CNTNAP5: variants seen among roughly 807,000 people sequenced by gnomAD.
CNTNAP5 encodes contactin associated protein family member 5.
In CNTNAP5, 72 loss-of-function variants were observed where a neutral mutation model predicts 150.2. The ratio of observed to expected loss-of-function variants is 0.48; its 90% CI spans 0.40 to 0.58. The LOEUF (loss-of-function observed/expected upper bound fraction) is 0.58. Ranked by LOEUF, CNTNAP5 falls within the 20% of genes least tolerant of loss-of-function variation. The pLI, the probability that CNTNAP5 is intolerant of heterozygous loss-of-function variation, is 0.00. For missense variants in CNTNAP5, 1,636 were observed against 1,626.2 expected, an observed-to-expected ratio of 1.01 and a Z score of -0.10; for synonymous variants, 672 against 619.8, an observed-to-expected ratio of 1.08 and a Z score of -1.25.
intron 13 of CNTNAP5, among the ~76,000 whole-genome samples, chr2:124,732,625 C>A (rs1680295429): frequency 6.6e-6 from 1 of 152,150 alleles, no homozygotes; most frequent in African/African-American, 2.4e-5. Flanking sequence ...ACATCAATTT[C>A]TGTTGTTTAT....
At chr2:124,278,875 T>C (rs1404809182) in intron 3 of CNTNAP5, among the ~76,000 whole-genome samples, 2 of 152,156 alleles carry the variant, frequency 1.3e-5, no homozygotes, top group East Asian at 1.9e-4. Flanking sequence ...ACATACCTTC[T>C]TAAAGAACAT....
intron 13 of CNTNAP5, among the ~76,000 whole-genome samples, chr2:124,689,167 C>G (rs1179417348): frequency 1.3e-5 from 2 of 152,120 alleles, no homozygotes; most frequent in African/African-American, 4.8e-5. Context: ...AATATTTACT[C>G]TTTCCTTGGG....
At chr2:124,356,004 T>A (rs146422850) in intron 3 of CNTNAP5, among the ~76,000 whole-genome samples, 2 of 152,160 alleles carry the variant, frequency 1.3e-5, no homozygotes, top group East Asian at 3.9e-4. Context: ...TCTGTGAGTG[T>A]TAAGAGTAGG....
intron 10 of CNTNAP5, among the ~76,000 whole-genome samples, chr2:124,558,766 G>C (rs773432854): frequency 1.4e-4 from 21 of 152,142 alleles, no homozygotes; most frequent in Non-Finnish European, 2.6e-4. Context: ...CTAAGTTACA[G>C]AGAAATAACC....
At chr2:124,528,108 T>C (rs2104891250) in intron 10 of CNTNAP5, among the ~76,000 whole-genome samples, 1 of 152,318 alleles carries the variant, frequency 6.6e-6, no homozygotes, top group Non-Finnish European at 1.5e-5. Flanking sequence ...TTCTTCTTCT[T>C]TCCTCTCCAG....
At chr2:124,493,569 T>A (rs1694079963) in intron 7 of CNTNAP5, among the ~76,000 whole-genome samples, 1 of 152,078 alleles carries the variant, frequency 6.6e-6, no homozygotes, top group Non-Finnish European at 1.5e-5. Flanking sequence ...CTCAATCTCC[T>A]GACCTCGTGA....
chr2:124,156,823 G>A (rs1684559625), intron 1 of CNTNAP5, among the ~76,000 whole-genome samples: 1 of 152,168 alleles, frequency 6.6e-6, no homozygotes, highest in Non-Finnish European at 1.5e-5. Flanking sequence ...CACAGAGCTG[G>A]TAGTTCGGGA....
intron 6 of CNTNAP5, among the ~76,000 whole-genome samples, chr2:124,465,180 A>C (rs1261391559): frequency 6.6e-6 from 1 of 152,168 alleles, no homozygotes; most frequent in Non-Finnish European, 1.5e-5. Flanking sequence ...TCAAAGAAAA[A>C]GAGAGTGGTA....
intron 3 of CNTNAP5, among the ~76,000 whole-genome samples, chr2:124,366,803 T>A (rs1690383722): frequency 6.6e-6 from 1 of 151,982 alleles, no homozygotes. Context: ...GAGGGCTGAG[T>A]CTTATCCCAG....
intron 17 of CNTNAP5, among the ~76,000 whole-genome samples, chr2:124,776,816 A>G (rs745937713): frequency 2.5e-4 from 38 of 152,248 alleles, no homozygotes; most frequent in Non-Finnish European, 1.2e-4. Context: ...AATAATTATC[A>G]TGACATCAAC....
intron 3 of CNTNAP5, among the ~76,000 whole-genome samples, chr2:124,324,879 G>C (rs537601999): frequency 6.6e-6 from 1 of 152,270 alleles, no homozygotes; most frequent in African/African-American, 2.4e-5. Context: ...TGAGTTTCAA[G>C]GCAATCTTGA....
chr2:124,376,605 G>A (rs1371820955), intron 3 of CNTNAP5, among the ~76,000 whole-genome samples: 1 of 151,944 alleles, frequency 6.6e-6, no homozygotes, highest in Non-Finnish European at 1.5e-5. Context: ...GAATGTGCTA[G>A]CTATTTTATT....
At chr2:124,907,912 C>A (rs1211564454) in intron 22 of CNTNAP5, among the ~76,000 whole-genome samples, 2 of 150,482 alleles carry the variant, frequency 1.3e-5, no homozygotes, top group African/African-American at 4.9e-5. Flanking sequence ...AATTAACAAG[C>A]TGGGTTAATA....
chr2:124,850,603 C>A (rs1000666763), intron 19 of CNTNAP5, among the ~76,000 whole-genome samples: 8 of 152,150 alleles, frequency 5.3e-5, no homozygotes, highest in African/African-American at 1.9e-4. Context: ...GCCCAGGAGA[C>A]AAAACAGATG....
At chr2:124,845,552 T>C (rs1683031708) in intron 19 of CNTNAP5, among the ~76,000 whole-genome samples, 3 of 152,082 alleles carry the variant, frequency 2.0e-5, no homozygotes, top group African/African-American at 4.8e-5. Flanking sequence ...ATAGTGTCTA[T>C]AGGATTGGTA....
At chr2:124,813,491 A>G (rs1682284979) in intron 19 of CNTNAP5, among the ~76,000 whole-genome samples, 1 of 151,576 alleles carries the variant, frequency 6.6e-6, no homozygotes, top group African/African-American at 2.4e-5. Context: ...GATGAACCCA[A>G]ATCTATATGC....
intron 13 of CNTNAP5, among the ~76,000 whole-genome samples, chr2:124,651,287 A>G (rs994934259): frequency 6.6e-6 from 1 of 152,238 alleles, no homozygotes; most frequent in Non-Finnish European, 1.5e-5. Flanking sequence ...AATCAATAAG[A>G]GAATGTGGGG....
intron 1 of CNTNAP5, among the ~76,000 whole-genome samples, chr2:124,120,335 T>C (rs1021132098): frequency 6.6e-6 from 1 of 152,230 alleles, no homozygotes; most frequent in South Asian, 2.1e-4. Flanking sequence ...GAGAATTCAA[T>C]TGGCAGGGAG....
intron 3 of CNTNAP5, among the ~76,000 whole-genome samples, chr2:124,410,151 A>G (rs1173130475): frequency 1.3e-5 from 2 of 152,096 alleles, no homozygotes; most frequent in Admixed American, 6.5e-5. Flanking sequence ...CATAATGGTA[A>G]AGGGATCAAT....
Sources: allele counts gnomAD v4.1 joint callset (sites outside exome capture counted in the v4.1 genomes callset), GRCh38; gene constraint gnomAD v4.1.1; transcripts MANE v1.5; gene names NCBI Gene and HGNC (gene_info 2026-07-23, HGNC 2026-07-21).